Variants in VPS13A observed in about 807,000 individuals in gnomAD.
VPS13A encodes the protein intermembrane lipid transfer protein VPS13A.
In VPS13A, 264 loss-of-function variants were observed where a neutral mutation model predicts 390.9. The ratio of observed to expected loss-of-function variants is 0.68; its 90% CI spans 0.61 to 0.75. The LOEUF (loss-of-function observed/expected upper bound fraction) is 0.75. VPS13A is among the 30% of genes least tolerant of loss of function. VPS13A has a pLI of 0.00. For synonymous variants in VPS13A, 1,231 were observed against 1,227.1 expected (o/e 1.00, Z -0.07); for missense variants, 3,409 against 3,733.9 (o/e 0.91, Z 2.27).
At position 77,212,978 on chromosome 9, in the gene VPS13A, C is replaced by T. The variant is rs796155513; in HGVS notation, c.565C>T (p.Gln189Ter). ...LQNLSMQTTDQYWVPCLHDET... is the reference protein window; with the variant it reads ...LQNLSMQTTD ...TTTTTTTCCTTTTCAGACAACTGATCAATACTGGGTTCCATGTTTACATGA... is the reference window on the plus strand; with the variant it reads ...TTTTTTTCCTTTTCAGACAACTGATTAATACTGGGTTCCATGTTTACATGA... Residue 189 changes from glutamine to a stop codon, truncating the protein, a stop_gained, in exon 8 of 72, where the codon CAA becomes TAA. Transcript: ENST00000360280. LOFTEE classifies it high-confidence loss of function. The T allele has an allele frequency of 1.2e-6, 2 of 1,613,794 alleles. No homozygotes were observed. The highest frequency in any genetic ancestry group is 1.7e-6 in the Non-Finnish European group (2 of 1,179,920).
intron 22 of VPS13A, among the ~76,000 whole-genome samples, chr9:77,258,611 A>G (rs1414302147): frequency 6.6e-6 from 1 of 152,118 alleles, no homozygotes; most frequent in Non-Finnish European, 1.5e-5. Context: ...AAACCATGCT[A>G]CGCATTCCCT....
chr9:77,207,652 A>G (rs1448324915), intron 5 of VPS13A, among the ~76,000 whole-genome samples: 1 of 152,096 alleles, frequency 6.6e-6, no homozygotes, highest in Non-Finnish European at 1.5e-5. Context: ...TTTCTCTAAA[A>G]TAAACCCTTG....
intron 60 of VPS13A, among the ~76,000 whole-genome samples, chr9:77,365,919 C>CA (rs1242399661): frequency 6.6e-6 from 1 of 151,924 alleles, no homozygotes; most frequent in Non-Finnish European, 1.5e-5. Context: ...TGAATGGTAT[C>CA]AAATCTAAGT....
chr9:77,345,253 T>C lies in VPS13A; in HGVS notation c.7289+111T>C, dbSNP rs1166429321. 3.3e-6 allele frequency: 4 copies of C among 1,194,112 alleles called. No homozygotes were observed. In the East Asian group the frequency reaches 9.4e-5, roughly 28 times the overall value. The allele number at this position is 1,194,112 out of a possible 1,614,324, so 74.0% of individuals were successfully genotyped here. On this transcript the variant is annotated intron_variant, in intron 52 of 71. Coordinates refer to ENST00000360280, the MANE Select transcript of VPS13A (RefSeq NM_033305.3). ...TAAACACTGATAATAGCATTGTAGC[T>C]GTGTAAAACAGTGTTCCATTAAAAA...
At chr9:77,317,809 T>A in intron 40 of VPS13A, 111 bp downstream of exon 40, 1 of 683,956 alleles carries the variant, frequency 1.5e-6, no homozygotes, top group Non-Finnish European at 2.3e-6. Flanking sequence ...AATAGGTGTG[T>A]TTTTGAAAAT....
intron 68 of VPS13A, chr9:77,384,476 T>C (rs923971667): frequency 5.3e-6 from 8 of 1,517,094 alleles, no homozygotes; most frequent in Non-Finnish European, 7.2e-6. Context: ...AAAAATCTGC[T>C]TTAAAATTAT....
At chr9:77,402,875 T>A (rs1834448764) in intron 68 of VPS13A, among the ~76,000 whole-genome samples, 1 of 152,212 alleles carries the variant, frequency 6.6e-6, no homozygotes, top group South Asian at 2.1e-4. Flanking sequence ...TAGATTTGTG[T>A]TAGTATTTAC....
chr9:77,250,191 T>C lies in VPS13A; in HGVS notation c.2132T>C (p.Ile711Thr). Residue 711 changes from isoleucine to threonine, a missense_variant, in exon 21 of 72, where the codon ATT (isoleucine) becomes ACT (threonine). By Grantham distance (89) the Ile-to-Thr change is moderately conservative. Transcript: ENST00000360280. ...IMDRAYDSFD[I>T]QLTSVQLLYS... ...GATAGAGCTTATGATTCATTTGATATTCAACTTACAAGTGTACAGCTGCTT... is the reference window on the plus strand; with the variant it reads ...GATAGAGCTTATGATTCATTTGATACTCAACTTACAAGTGTACAGCTGCTT... 6.2e-7 allele frequency: 1 copy of C among 1,613,866 alleles called. No homozygotes were observed. Among genetic ancestry groups the C allele is most frequent in the Non-Finnish European group, 8.5e-7 (1 of 1,179,908 alleles).
At chr9:77,366,950 A>G in intron 61 of VPS13A, 78 bp downstream of exon 61, 1 of 1,464,666 alleles carries the variant, frequency 6.8e-7, no homozygotes, top group Non-Finnish European at 9.4e-7. Context: ...GTAAATGAAA[A>G]AGTGTGTGAA....
At chr9:77,401,392 CAAT>C (rs1834389208) in intron 68 of VPS13A, among the ~76,000 whole-genome samples, 1 of 147,364 alleles carries the variant, frequency 6.8e-6, no homozygotes, top group South Asian at 2.1e-4. Flanking sequence ...GGGAGGGAGT[CAAT>C]AACATCTTTA....
chr9:77,245,560 C>G (rs968366882), intron 19 of VPS13A, among the ~76,000 whole-genome samples: 3 of 152,216 alleles, frequency 2.0e-5, no homozygotes, highest in East Asian at 1.9e-4. Context: ...TTTCAAACCT[C>G]TATCTCACCT....
chr9:77,318,585 G>A lies in VPS13A; in HGVS notation c.5307G>A (p.Glu1769=). ...TAATAAATCTGCACTGTCAGCTTGA[G>A]CTAGAAGTAAGCATATTTTTCCAGT... ...SSLINLHCQL[E]LEVHYYNEMF... is the part of the protein sequence containing the mutation. Residue 1769 remains glutamate (E), a synonymous_variant, in exon 41 of 72, where the codon GAG becomes GAA. Coordinates refer to ENST00000360280, the MANE Select transcript of VPS13A (RefSeq NM_033305.3). 6.2e-7 allele frequency: 1 copy of A among 1,612,942 alleles called. No individual in the cohort carries two copies. The highest frequency in any genetic ancestry group is 1.3e-5 in the African/African-American group (1 of 74,980).
chr9:77,393,377 C>T (rs1316535714), intron 68 of VPS13A, among the ~76,000 whole-genome samples: 2 of 152,212 alleles, frequency 1.3e-5, no homozygotes, highest in African/African-American at 4.8e-5. Flanking sequence ...TCCAGACAAA[C>T]TCCTGTTACT....
At chr9:77,307,119 T>C (rs1437111487) in intron 34 of VPS13A, among the ~76,000 whole-genome samples, 2 of 151,960 alleles carry the variant, frequency 1.3e-5, no homozygotes, top group African/African-American at 4.8e-5. Context: ...GGCTGGGCTG[T>C]TCTCTTAACT....
At position 77,371,740 on chromosome 9, in the gene VPS13A, C is replaced by G. The variant is rs535135226; in HGVS notation, c.9077+591C>G. Among the ~76,000 whole-genome samples, 9 of 150,336 alleles carry G rather than the reference C, an allele frequency of 6.0e-5. No individual in the cohort carries two copies. The East Asian group carries it at 1.8e-3, about 30-fold the overall frequency. ...GTTACATATGTATACATGTGCCATG[C>G]TGGTGCGCTGCACCCACTAACTCGT... On this transcript the variant is annotated intron_variant, in intron 67 of 71. Coordinates refer to ENST00000360280, the MANE Select transcript of VPS13A (RefSeq NM_033305.3).
At chr9:77,248,238 C>CA (rs1413505180) in intron 20 of VPS13A, among the ~76,000 whole-genome samples, 1 of 149,060 alleles carries the variant, frequency 6.7e-6, no homozygotes, top group African/African-American at 2.5e-5. Context: ...TTTTTTGAGA[C>CA]AGAGTCTGGC....
At chr9:77,335,304 A>AT (rs1444676616) in intron 46 of VPS13A, among the ~76,000 whole-genome samples, 1 of 152,156 alleles carries the variant, frequency 6.6e-6, no homozygotes, top group Non-Finnish European at 1.5e-5. Flanking sequence ...TTTTGTCACC[A>AT]TTTTCTTAAA....
chr9:77,247,346 T>C lies in VPS13A; in HGVS notation c.1988T>C (p.Ile663Thr). 6.2e-7 allele frequency: 1 copy of C among 1,612,448 alleles called. No individual in the cohort carries two copies. Among genetic ancestry groups the C allele is most frequent in the Non-Finnish European group, 8.5e-7 (1 of 1,179,228 alleles). ...ASYIIVPQDG[I>T]FSPTSNLLLL... ...TATATTATTGTCCCACAAGATGGAA[T>C]TTTTAGTCCTACATCAAATCTGCTT... Residue 663 changes from isoleucine (I) to threonine (T), a missense_variant, in exon 20 of 72, where the codon ATT becomes ACT. By Grantham distance (89) the Ile-to-Thr change is moderately conservative. This residue lies in a region of VPS13A where 2,717 missense variants were observed against 2,917.4 expected (regional missense o/e 0.93). Coordinates refer to ENST00000360280, the MANE Select transcript of VPS13A (RefSeq NM_033305.3).
chr9:77,359,254 A>G (rs1831994018), intron 57 of VPS13A, 79 bp from the exon 58 acceptor site: 2 of 1,145,478 alleles, frequency 1.7e-6, no homozygotes, highest in Non-Finnish European at 1.3e-6. Flanking sequence ...TTAATTTTCC[A>G]TTGTGGTGTA....
Sources: gnomAD v4.1 joint callset for allele counts (sites outside exome capture counted in the v4.1 genomes callset) on GRCh38, gnomAD v4.1.1 for gene constraint, gnomAD v4.1.1 regional missense constraint, MANE v1.5 for transcripts, NCBI Gene and HGNC (gene_info 2026-07-23, HGNC 2026-07-21) for gene names.